The following AKR1D1 variants were observed in gnomAD, a reference collection of about 807,000 sequenced individuals.
The protein encoded by AKR1D1 is delta(4)-3-ketosteroid 5-beta-reductase.
A neutral mutation model predicts 42.6 loss-of-function variants in AKR1D1; 32 were observed. That is an observed-to-expected ratio of 0.75 (90% CI 0.57 to 1.01). AKR1D1 has a LOEUF of 1.01. Ranked by LOEUF, AKR1D1 falls within the 50% of genes least tolerant of loss-of-function variation. AKR1D1 has a pLI of 0.00. For synonymous variants in AKR1D1, 123 were observed against 135.5 expected (o/e 0.91, Z 0.64); for missense variants, 364 against 402.2 (o/e 0.91, Z 0.81).
intron 1 of AKR1D1, 49 bp downstream of exon 1, chr7:138,076,660 T>A: frequency 2.0e-6 from 3 of 1,479,740 alleles, no homozygotes; most frequent in Admixed American, 1.7e-5. Context: ...TCTTTTAACA[T>A]TTGCCTATAG....
intron 1 of AKR1D1, among the ~76,000 whole-genome samples, chr7:138,084,837 C>T (rs10230284): frequency 0.016 from 2,494 of 152,084 alleles, 72 homozygotes; most frequent in African/African-American, 0.057. Context: ...GCGGGCAGAT[C>T]ACAAGGTCAA....
intron 4 of AKR1D1, among the ~76,000 whole-genome samples, chr7:138,100,474 T>C (rs1585733831): frequency 6.6e-6 from 1 of 152,224 alleles, no homozygotes; most frequent in South Asian, 2.1e-4. Context: ...GAAAAAGATA[T>C]ATTAGGCTAA....
chr7:138,078,567 A>G (rs1303412756), intron 1 of AKR1D1, among the ~76,000 whole-genome samples: 1 of 152,194 alleles, frequency 6.6e-6, no homozygotes, highest in Non-Finnish European at 1.5e-5. Flanking sequence ...ATGTCTCTTT[A>G]TGATCTCATT....
At position 138,117,975 on chromosome 7, in the gene AKR1D1, C is replaced by G. The variant is rs536684636; in HGVS notation, c.*1313C>G. 1 of 151,968 alleles carries G rather than the reference C, an allele frequency of 6.6e-6. No homozygotes were observed. The highest frequency in any genetic ancestry group is 1.5e-5 in the Non-Finnish European group (1 of 68,000). The allele number at this position is 151,968 out of a possible 1,614,324, so 9.4% of individuals were successfully genotyped here. A position where few individuals can be genotyped will look rare whatever the true frequency, so the allele number is the denominator to read the frequency against. On this transcript the variant is annotated 3_prime_UTR_variant, in exon 9 of 9. Transcript: ENST00000242375. Reference sequence around the variant, plus strand: ...AGGAGCTTGCAGTGAGCCGAGATAGCGCCACTGCAGTCCGGCCTGGGTGAA... The same window carrying G: ...AGGAGCTTGCAGTGAGCCGAGATAGGGCCACTGCAGTCCGGCCTGGGTGAA...
chr7:138,103,758 T>C (rs1348205526), intron 4 of AKR1D1, among the ~76,000 whole-genome samples: 2 of 152,088 alleles, frequency 1.3e-5, no homozygotes, highest in African/African-American at 2.4e-5. Flanking sequence ...AGATGAAAGA[T>C]TGAATTTACC....
chr7:138,115,546 C>T (rs11762514), intron 8 of AKR1D1, among the ~76,000 whole-genome samples: 1 of 152,096 alleles, frequency 6.6e-6, no homozygotes, highest in African/African-American at 2.4e-5. Flanking sequence ...AAAAGCAATT[C>T]TAGCAACTTC....
At chr7:138,102,314 A>AT (rs35429213) in intron 4 of AKR1D1, among the ~76,000 whole-genome samples, 118,986 of 152,030 alleles carry the variant, frequency 0.78, 47,041 homozygotes, top group African/African-American at 0.89. Flanking sequence ...CATACCTATA[A>AT]CCCAGCACTT....
chr7:138,078,706 G>A (rs998574229), intron 1 of AKR1D1, among the ~76,000 whole-genome samples: 4 of 152,194 alleles, frequency 2.6e-5, no homozygotes, highest in Non-Finnish European at 4.4e-5. Context: ...GAAATGATGA[G>A]GAAGTCTAAT....
intron 1 of AKR1D1, among the ~76,000 whole-genome samples, chr7:138,087,698 C>T (rs1434638871): frequency 6.6e-6 from 1 of 152,148 alleles, no homozygotes; most frequent in Admixed American, 6.6e-5. Flanking sequence ...TCCTTCCACC[C>T]ATACTTCCCC....
intron 7 of AKR1D1, among the ~76,000 whole-genome samples, chr7:138,108,541 C>A (rs1346870401): frequency 6.6e-6 from 1 of 152,010 alleles, no homozygotes; most frequent in East Asian, 1.9e-4. Context: ...TATTTCATGT[C>A]CATCAAAATT....
chr7:138,087,976 C>T (rs1793972216), intron 1 of AKR1D1, among the ~76,000 whole-genome samples: 1 of 151,016 alleles, frequency 6.6e-6, no homozygotes, highest in African/African-American at 2.4e-5. Context: ...CTGCAGCCTT[C>T]AACTCCCAGG....
At chr7:138,100,779 A>C (rs531055882) in intron 4 of AKR1D1, among the ~76,000 whole-genome samples, 1,358 of 130,538 alleles carry the variant, frequency 0.01, 9 homozygotes, top group South Asian at 0.015. Context: ...ATCTCAGCTC[A>C]CTGCAAGCTC....
At chr7:138,077,388 G>A (rs1802962257) in intron 1 of AKR1D1, among the ~76,000 whole-genome samples, 1 of 152,104 alleles carries the variant, frequency 6.6e-6, no homozygotes, top group Admixed American at 6.6e-5. Context: ...CAAATGTCAT[G>A]AGAACTCACT....
Position 138,102,764 on chromosome 7 carries a change from G to A in AKR1D1, c.457-2543G>A, listed in dbSNP as rs183080780. Among the ~76,000 whole-genome samples the A allele has an allele frequency of 1.3e-3, 197 of 152,310 alleles. 2 individuals carry two copies. Among genetic ancestry groups the A allele is most frequent in the Admixed American group, 3.0e-3 (46 of 15,300 alleles). ...AATGCCAACGCAATTCAATGGGGAA[G>A]GGTAATCTTGTACTACAACTGGCCC... On this transcript the variant is annotated intron_variant, in intron 4 of 8. Coordinates refer to ENST00000242375, the MANE Select transcript of AKR1D1 (RefSeq NM_005989.4).
At chr7:138,104,304 T>C (rs888739264) in intron 4 of AKR1D1, among the ~76,000 whole-genome samples, 2 of 152,170 alleles carry the variant, frequency 1.3e-5, no homozygotes, top group African/African-American at 4.8e-5. Context: ...CATGTGTGTA[T>C]GTATATTTAC....
intron 4 of AKR1D1, among the ~76,000 whole-genome samples, chr7:138,101,191 C>T (rs12670660): frequency 0.11 from 2,128 of 19,904 alleles, 64 homozygotes; most frequent in Admixed American, 0.21. Flanking sequence ...CTCCCTCCCT[C>T]CCTTCCTTCC....
chr7:138,101,810 CATGTTCCTTGATCAG>C (rs1185996323), intron 4 of AKR1D1, among the ~76,000 whole-genome samples: 2 of 152,038 alleles, frequency 1.3e-5, no homozygotes, highest in Non-Finnish European at 2.9e-5. Flanking sequence ...AGAGATATAC[CATGTTCCTTGATCAG>C]AATATCAAGA....
rs1803108145 is a variant in AKR1D1, at chr7:138,083,846, T to C, written c.94-4755T>C. Among the ~76,000 whole-genome samples, 5 of 152,304 alleles carry C rather than the reference T, an allele frequency of 3.3e-5. No homozygotes were observed. In the South Asian group the frequency reaches 1.0e-3, roughly 32 times the overall value. ...TGGTTCTGTTTAGGCTCTCAGTTGT[T>C]TCTACCAGTCTTCCTTTATGGAACT... is the stretch of plus-strand genomic sequence containing the variant. On this transcript the variant is annotated intron_variant, in intron 1 of 8. Transcript: ENST00000242375.
chr7:138,090,636 C>CAAAAAAA (rs201055784), intron 2 of AKR1D1, among the ~76,000 whole-genome samples: 1 of 91,488 alleles, frequency 1.1e-5, no homozygotes. Context: ...GACCCCGTCT[C>CAAAAAAA]AAAAAAAAAA....
Sources: gnomAD v4.1 joint callset for allele counts (sites outside exome capture counted in the v4.1 genomes callset) on GRCh38, gnomAD v4.1.1 for gene constraint, MANE v1.5 for transcripts, NCBI Gene and HGNC (gene_info 2026-07-23, HGNC 2026-07-21) for gene names.